The following CHST8 variants were observed in gnomAD, a reference collection of about 807,000 sequenced individuals.
The protein encoded by CHST8 is GALNAC-4-ST1.
CHST8 carries 10 observed loss-of-function variants against 15.0 expected under a neutral mutation model. The observed-to-expected ratio is 0.67, with a 90% CI of 0.41 to 1.13. The LOEUF is 1.13. CHST8 is among the 50% of genes most tolerant of loss of function. The pLI, the probability that CHST8 is intolerant of heterozygous loss-of-function variation, is 0.00. For missense variants in CHST8, 634 were observed against 608.2 expected (o/e 1.04, Z -0.45); for synonymous variants, 259 against 256.6 (o/e 1.01, Z -0.09).
intron 2 of CHST8, among the ~76,000 whole-genome samples, chr19:33,671,516 C>T (rs564550032): frequency 6.6e-6 from 1 of 152,246 alleles, no homozygotes; most frequent in South Asian, 2.1e-4. Context: ...CATCACTGCC[C>T]CCCATTGCTT....
At chr19:33,739,780 T>G (rs1432509539) in intron 3 of CHST8, among the ~76,000 whole-genome samples, 1 of 152,192 alleles carries the variant, frequency 6.6e-6, no homozygotes, top group Non-Finnish European at 1.5e-5. Flanking sequence ...GAGTGGAGAA[T>G]GAGAGCTCTC....
intron 3 of CHST8, among the ~76,000 whole-genome samples, chr19:33,692,687 C>T (rs1261575278): frequency 2.0e-5 from 3 of 152,084 alleles, no homozygotes; most frequent in East Asian, 1.9e-4. Context: ...GTGACAGGGC[C>T]GGACTTTGTC....
intron 3 of CHST8, among the ~76,000 whole-genome samples, chr19:33,724,283 G>A (rs1973852625): frequency 6.6e-6 from 1 of 152,254 alleles, no homozygotes. Flanking sequence ...CCCTGGGTGT[G>A]GGGCCTGGGA....
intron 1 of CHST8, among the ~76,000 whole-genome samples, chr19:33,627,282 T>C (rs1972068459): frequency 6.6e-6 from 1 of 151,322 alleles, no homozygotes; most frequent in Non-Finnish European, 1.5e-5. Flanking sequence ...TTTTTTTTTT[T>C]AATATTTTTA....
At chr19:33,761,001 G>A (rs1974714508) in intron 3 of CHST8, among the ~76,000 whole-genome samples, 1 of 152,242 alleles carries the variant, frequency 6.6e-6, no homozygotes, top group South Asian at 2.1e-4. Flanking sequence ...GGATACATGG[G>A]GGCAGATGGC....
At chr19:33,684,694 T>C (rs2145249968) in intron 2 of CHST8, 2 of 151,656 alleles carry the variant, frequency 1.3e-5, no homozygotes, top group Middle Eastern at 6.8e-3. Context: ...GAGGTGGTGC[T>C]CTCGGGGGAC....
At chr19:33,728,175 TTACTCTTTCATG>T (rs1262403636) in intron 3 of CHST8, among the ~76,000 whole-genome samples, 1 of 152,280 alleles carries the variant, frequency 6.6e-6, no homozygotes, top group Non-Finnish European at 1.5e-5. Context: ...GACTACTCAG[TTACTCTTTCATG>T]TAAATTTCAT....
intron 3 of CHST8, among the ~76,000 whole-genome samples, chr19:33,765,559 G>GTGTGTGTGTC (rs1202746538): frequency 1.4e-4 from 16 of 117,256 alleles, no homozygotes; most frequent in Non-Finnish European, 1.2e-4. Context: ...GTGTGTCAGA[G>GTGTGTGTGTC]AGAGAGAGAG....
intron 3 of CHST8, among the ~76,000 whole-genome samples, chr19:33,731,794 G>A (rs191051430): frequency 2.6e-5 from 4 of 152,340 alleles, no homozygotes; most frequent in Non-Finnish European, 5.9e-5. Flanking sequence ...TGTGCCCAAG[G>A]CTGTGGCCAG....
At chr19:33,648,991 C>T (rs976532623) in intron 1 of CHST8, among the ~76,000 whole-genome samples, 11 of 147,260 alleles carry the variant, frequency 7.5e-5, no homozygotes, top group African/African-American at 2.5e-4. Flanking sequence ...GCAAGCTCCA[C>T]CCCCCAGGTT....
At chr19:33,682,323 C>T (rs942929107) in intron 2 of CHST8, among the ~76,000 whole-genome samples, 2 of 151,502 alleles carry the variant, frequency 1.3e-5, no homozygotes, top group African/African-American at 4.9e-5. Context: ...AACAGGCATG[C>T]ACTACCACAT....
intron 1 of CHST8, among the ~76,000 whole-genome samples, chr19:33,652,189 G>A (rs1268085278): frequency 6.6e-6 from 1 of 151,218 alleles, no homozygotes; most frequent in East Asian, 1.9e-4. Context: ...CTTTTTTTTG[G>A]CCTTACATTC....
At chr19:33,757,107 A>G (rs1252373856) in intron 3 of CHST8, among the ~76,000 whole-genome samples, 1 of 152,116 alleles carries the variant, frequency 6.6e-6, no homozygotes, top group Non-Finnish European at 1.5e-5. Context: ...CTGGCCATTC[A>G]GGATGGGCGC....
intron 1 of CHST8, among the ~76,000 whole-genome samples, chr19:33,658,169 GTC>G (rs1360538141): frequency 6.6e-6 from 1 of 152,098 alleles, no homozygotes; most frequent in Non-Finnish European, 1.5e-5. Flanking sequence ...GTAAAAGCCT[GTC>G]TCTACCACAA....
intron 2 of CHST8, among the ~76,000 whole-genome samples, chr19:33,682,664 T>C (rs80355057): frequency 0.031 from 4,707 of 152,362 alleles, 222 homozygotes; most frequent in African/African-American, 0.1. Flanking sequence ...TTTGTCCGTT[T>C]GTGTCTGGCT....
At chr19:33,748,127 G>A (rs1306433830) in intron 3 of CHST8, among the ~76,000 whole-genome samples, 1 of 152,228 alleles carries the variant, frequency 6.6e-6, no homozygotes, top group Non-Finnish European at 1.5e-5. Context: ...CCCAAAGCCA[G>A]GCTGTTCGCA....
At chr19:33,764,112 C>T (rs1037167361) in intron 3 of CHST8, among the ~76,000 whole-genome samples, 1 of 152,238 alleles carries the variant, frequency 6.6e-6, no homozygotes, top group African/African-American at 2.4e-5. Context: ...GGCCCAGCTT[C>T]TGGGAAGCCC....
chr19:33,680,250 C>T (rs559243472), intron 2 of CHST8, among the ~76,000 whole-genome samples: 13 of 152,322 alleles, frequency 8.5e-5, no homozygotes, highest in African/African-American at 2.4e-4. Context: ...GTGCCTGGAA[C>T]GTTAACAAAT....
chr19:33,637,644 T>C (rs1411814941), intron 1 of CHST8, among the ~76,000 whole-genome samples: 4 of 148,548 alleles, frequency 2.7e-5, no homozygotes, highest in Non-Finnish European at 6.0e-5. Flanking sequence ...CCTTGTGATC[T>C]GCCTGCCTCG....
Sources: allele counts gnomAD v4.1 joint callset (sites outside exome capture counted in the v4.1 genomes callset), GRCh38; gene constraint gnomAD v4.1.1; transcripts MANE v1.5; gene names NCBI Gene and HGNC (gene_info 2026-07-23, HGNC 2026-07-21).